The following CPSF6 variants were observed in gnomAD, a reference collection of about 807,000 sequenced individuals.
CPSF6 encodes cleavage and polyadenylation specific factor 6.
A neutral mutation model predicts 56.7 loss-of-function variants in CPSF6; 10 were observed. The ratio of observed to expected loss-of-function variants is 0.18; its 90% confidence interval spans 0.11 to 0.30. CPSF6 has a LOEUF of 0.30. Ranked by LOEUF, CPSF6 falls within the 10% of genes least tolerant of loss-of-function variation. The pLI is 1.00. For missense variants in CPSF6, 419 were observed against 722.9 expected (o/e 0.58, Z 4.82); for synonymous variants, 248 against 244.8 (o/e 1.01, Z -0.12).
intron 1 of CPSF6, among the ~76,000 whole-genome samples, chr12:69,246,687 G>A (rs1871927086): frequency 2.0e-5 from 3 of 152,084 alleles, no homozygotes. Flanking sequence ...CGAGGTATAG[G>A]ATATATTTTG....
chr12:69,272,974 T>G lies in CPSF6; in HGVS notation c.*3466T>G, dbSNP rs1873320391. 1 of 251,536 alleles carries G rather than the reference T, an allele frequency of 4.0e-6. No homozygotes were observed. The highest frequency in any genetic ancestry group is 2.3e-5 in the African/African-American group (1 of 43,942). 15.6% of individuals were successfully genotyped at this position (251,536 alleles called of 1,614,324 possible). ...TTAAGCAACTTGACTCTTAGAAGCC[T>G]TAGACTGATTTTTTCAATAAATATT... On this transcript the variant is annotated 3_prime_UTR_variant, in exon 10 of 10. Coordinates refer to ENST00000435070, the MANE Select transcript of CPSF6 (RefSeq NM_007007.3).
At chr12:69,266,780 ATTAAGT>A (rs1340487102) in intron 9 of CPSF6, among the ~76,000 whole-genome samples, 5 of 152,026 alleles carry the variant, frequency 3.3e-5, no homozygotes, top group Non-Finnish European at 7.4e-5. Context: ...TTTGAATGTG[ATTAAGT>A]TTATTTCTAT....
intron 8 of CPSF6, among the ~76,000 whole-genome samples, chr12:69,261,892 G>A (rs188555894): frequency 1.1e-4 from 16 of 152,086 alleles, no homozygotes; most frequent in African/African-American, 2.4e-4. Flanking sequence ...TATAACATGC[G>A]TATTAGAAGG....
chr12:69,263,731 A>G (rs543771595), intron 9 of CPSF6, among the ~76,000 whole-genome samples: 2 of 152,226 alleles, frequency 1.3e-5, no homozygotes, highest in East Asian at 1.9e-4. Flanking sequence ...TTCTTTAACC[A>G]TAACAGATAC....
chr12:69,245,678 A>C (rs1044724539), intron 1 of CPSF6, among the ~76,000 whole-genome samples: 1 of 152,344 alleles, frequency 6.6e-6, no homozygotes, highest in African/African-American at 2.4e-5. Flanking sequence ...GCATTGAAGT[A>C]GTATGTTTTG....
chr12:69,245,263 G>A (rs1281076259), intron 1 of CPSF6, among the ~76,000 whole-genome samples: 1 of 151,994 alleles, frequency 6.6e-6, no homozygotes, highest in African/African-American at 2.4e-5. Context: ...AGCATTACGA[G>A]CCCAAACGTG....
chr12:69,245,961 C>G (rs1441647180), intron 1 of CPSF6, among the ~76,000 whole-genome samples: 3 of 152,160 alleles, frequency 2.0e-5, no homozygotes. Context: ...ATAGTGCACA[C>G]CTGTAATTCC....
At chr12:69,262,630 T>C in intron 9 of CPSF6, 68 bp downstream of exon 9, 2 of 1,510,144 alleles carry the variant, frequency 1.3e-6, no homozygotes, top group South Asian at 1.3e-5. Flanking sequence ...CCAAGGCTAC[T>C]GTTTATACAG....
At chr12:69,250,178 T>A (rs943934772) in intron 1 of CPSF6, among the ~76,000 whole-genome samples, 1 of 152,308 alleles carries the variant, frequency 6.6e-6, no homozygotes, top group South Asian at 2.1e-4. Flanking sequence ...TGCTTTTTTT[T>A]AATACTGGTA....
chr12:69,244,482 C>G (rs1436588971), intron 1 of CPSF6, among the ~76,000 whole-genome samples: 1 of 152,036 alleles, frequency 6.6e-6, no homozygotes, highest in African/African-American at 2.4e-5. Flanking sequence ...CCTTGGCTTC[C>G]CAAAGCGCTG....
intron 3 of CPSF6, among the ~76,000 whole-genome samples, chr12:69,254,633 A>C (rs1872419680): frequency 6.6e-6 from 1 of 152,202 alleles, no homozygotes; most frequent in Admixed American, 6.5e-5. Flanking sequence ...TACCTTGCGT[A>C]TAAGAAGTGG....
At chr12:69,251,422 A>G (rs1872236744) in intron 2 of CPSF6, 84 bp downstream of exon 2, 8 of 941,264 alleles carry the variant, frequency 8.5e-6, no homozygotes, top group Non-Finnish European at 1.3e-5. Context: ...CCAGATTTTT[A>G]TAAGTTTGAA....
Position 69,260,169 on chromosome 12 carries a change from G to T in CPSF6, c.1441G>T (p.Glu481Ter). The T allele has an allele frequency of 6.2e-7, 1 of 1,612,450 alleles. No individual in the cohort carries two copies. Among genetic ancestry groups the T allele is most frequent in the South Asian group, 1.1e-5 (1 of 90,792 alleles). ...SSLQDCLHGIESKSYGSGSRR... is the reference protein window; with the variant it reads ...SSLQDCLHGI Reference sequence around the variant, plus strand: ...TTTGCAAGATTGCCTTCATGGAATTGAGTCCAAGTCTTATGGTTCTGGATC... The same window carrying T: ...TTTGCAAGATTGCCTTCATGGAATTTAGTCCAAGTCTTATGGTTCTGGATC... Residue 481 changes from glutamate to a stop codon, truncating the protein, a stop_gained, in exon 8 of 10, where the codon GAG (glutamate) becomes TAG (stop). Coordinates refer to ENST00000435070, the MANE Select transcript of CPSF6 (RefSeq NM_007007.3). LOFTEE classifies it high-confidence loss of function.
In CPSF6 at chr12:69,253,945, A is replaced by G. The variant is rs1484160494; in HGVS notation, c.374+791A>G. On this transcript the variant is annotated intron_variant, in intron 3 of 9. Coordinates refer to ENST00000435070, the MANE Select transcript of CPSF6 (RefSeq NM_007007.3). ...CTTTTAAGGATAAATTGTTAGATGC[A>G]CAATGATAAAGAATTTTCTTATTTC... 2.6e-5 allele frequency among the ~76,000 whole-genome samples: 4 copies of G among 152,266 alleles called. No homozygotes were observed. The East Asian group carries it at 7.7e-4, about 29-fold the overall frequency.
intron 8 of CPSF6, among the ~76,000 whole-genome samples, chr12:69,261,241 C>G (rs1872729166): frequency 6.6e-6 from 1 of 152,072 alleles, no homozygotes; most frequent in Non-Finnish European, 1.5e-5. Flanking sequence ...TGTGTCTAAA[C>G]AAATTTGTCA....
chr12:69,251,449 A>C (rs2231692), intron 2 of CPSF6, 111 bp downstream of exon 2: 5 of 719,130 alleles, frequency 7.0e-6, no homozygotes, highest in Non-Finnish European at 4.5e-6. Flanking sequence ...GTGTTTTTCT[A>C]TATGTGTTTG....
At chr12:69,259,592 G>A (rs766383920) in intron 7 of CPSF6, 49 bp downstream of exon 7, 7 of 1,489,978 alleles carry the variant, frequency 4.7e-6, no homozygotes, top group Non-Finnish European at 6.4e-6. Context: ...TATTAGGAAT[G>A]ACCTAAAAAT....
In CPSF6 at chr12:69,273,433, G is replaced by C. The variant is rs1318669808; in HGVS notation, c.*3925G>C. 1.8e-5 allele frequency: 3 copies of C among 164,178 alleles called. No homozygotes were observed. The highest frequency in any genetic ancestry group is 4.0e-5 in the Non-Finnish European group (3 of 74,512). 10.2% of individuals were successfully genotyped at this position (164,178 alleles called of 1,614,324 possible). A position where few individuals can be genotyped will look rare whatever the true frequency, so the allele number is the denominator to read the frequency against. On this transcript the variant is annotated 3_prime_UTR_variant, in exon 10 of 10. Transcript: ENST00000435070. The stretch of plus-strand genomic sequence containing the variant: ...TGTAATGGAGTCTTTTAAATACTAG[G>C]TTGAATTTAATTGAAGTCACACACA...
At chr12:69,245,220 T>C (rs1245411471) in intron 1 of CPSF6, among the ~76,000 whole-genome samples, 2 of 152,208 alleles carry the variant, frequency 1.3e-5, no homozygotes, top group African/African-American at 4.8e-5. Context: ...TATTCTTTTA[T>C]ATGACTGAGA....
Sources: allele counts gnomAD v4.1 joint callset (sites outside exome capture counted in the v4.1 genomes callset), GRCh38; gene constraint gnomAD v4.1.1; transcripts MANE v1.5; gene names NCBI Gene and HGNC (gene_info 2026-07-23, HGNC 2026-07-21).